ANKS1B: variants seen among roughly 807,000 people sequenced by gnomAD.
The protein encoded by ANKS1B is ankyrin repeat and sterile alpha motif domain-containing protein 1B.
Under a neutral mutation model 148.3 loss-of-function variants are expected in ANKS1B, and 36 were observed. The ratio of observed to expected loss-of-function variants is 0.24; its 90% CI spans 0.19 to 0.32. The LOEUF is 0.32. Among genes scored for constraint, ANKS1B ranks in the 10% least tolerant of loss-of-function variants. The pLI is 1.00. For missense variants in ANKS1B, 1,157 were observed against 1,542.6 expected (o/e 0.75, Z 4.19); for synonymous variants, 542 against 560.8 (o/e 0.97, Z 0.47).
chr12:98,907,545 C>G (rs1398191060), intron 17 of ANKS1B, among the ~76,000 whole-genome samples: 1 of 152,306 alleles, frequency 6.6e-6, no homozygotes, highest in African/African-American at 2.4e-5. Flanking sequence ...CAGTCCTTGA[C>G]CACTCTCTTC....
intron 16 of ANKS1B, among the ~76,000 whole-genome samples, chr12:99,060,645 T>TA (rs542411790): frequency 3.3e-4 from 48 of 145,250 alleles, no homozygotes; most frequent in African/African-American, 1.2e-3. Context: ...CATATACATA[T>TA]ATACACATCA....
intron 17 of ANKS1B, among the ~76,000 whole-genome samples, chr12:98,911,493 T>G (rs1410464420): frequency 6.6e-6 from 1 of 151,974 alleles, no homozygotes; most frequent in East Asian, 1.9e-4. Flanking sequence ...GGAGCATGAG[T>G]TGGATTGTTT....
intron 1 of ANKS1B, among the ~76,000 whole-genome samples, chr12:99,954,846 A>G (rs760639374): frequency 2.0e-5 from 3 of 152,214 alleles, no homozygotes; most frequent in Non-Finnish European, 4.4e-5. Context: ...AATAGTACCA[A>G]GGTTGGGAAA....
At chr12:99,650,253 C>A (rs2098409358) in intron 9 of ANKS1B, among the ~76,000 whole-genome samples, 1 of 93,716 alleles carries the variant, frequency 1.1e-5, no homozygotes, top group East Asian at 2.0e-4. Context: ...AAACTGTTTT[C>A]CAAAATATAA....
At chr12:98,919,843 T>C (rs962125180) in intron 17 of ANKS1B, among the ~76,000 whole-genome samples, 7 of 152,156 alleles carry the variant, frequency 4.6e-5, no homozygotes, top group Admixed American at 2.6e-4. Context: ...GGGGCTGCAA[T>C]GCAACAGCCA....
intron 9 of ANKS1B, among the ~76,000 whole-genome samples, chr12:99,544,756 T>C (rs1160269178): frequency 1.3e-5 from 2 of 152,148 alleles, no homozygotes; most frequent in Non-Finnish European, 2.9e-5. Flanking sequence ...TAAATGCATA[T>C]AGGTCTGAGA....
intron 24 of ANKS1B, among the ~76,000 whole-genome samples, chr12:98,776,677 A>G (rs1434967009): frequency 6.6e-6 from 1 of 152,180 alleles, no homozygotes; most frequent in Admixed American, 6.5e-5. Flanking sequence ...ACTGCATTCA[A>G]TCTGAGCCCC....
intron 10 of ANKS1B, among the ~76,000 whole-genome samples, chr12:99,455,670 T>C (rs1054507486): frequency 4.6e-5 from 7 of 152,108 alleles, no homozygotes; most frequent in Non-Finnish European, 1.0e-4. Context: ...CCTGGTGACC[T>C]GTGCGACTCA....
intron 17 of ANKS1B, among the ~76,000 whole-genome samples, chr12:98,978,405 A>T (rs11830992): frequency 0.021 from 3,245 of 152,244 alleles, 121 homozygotes; most frequent in African/African-American, 0.074. Context: ...TTTGCCCCAC[A>T]GATTCCAGTC....
intron 1 of ANKS1B, among the ~76,000 whole-genome samples, chr12:99,976,534 C>T (rs2095631644): frequency 6.6e-6 from 1 of 152,166 alleles, no homozygotes; most frequent in African/African-American, 2.4e-5. Flanking sequence ...TTTATGCTCA[C>T]ATCCATCAAT....
Position 99,519,819 on chromosome 12 carries a change from T to C in ANKS1B, c.1273-15178A>G, listed in dbSNP as rs1567259891. Among the ~76,000 whole-genome samples, 4 of 152,160 alleles carry C rather than the reference T, an allele frequency of 2.6e-5. No homozygotes were observed. The South Asian group carries it at 8.3e-4, about 31-fold the overall frequency. ...AATTTCTTCCTTTTTATTTTTTGTATATCCATTGTATGTATTTTGATTTGA... is the reference window on the plus strand; with the variant it reads ...AATTTCTTCCTTTTTATTTTTTGTACATCCATTGTATGTATTTTGATTTGA... On this transcript the variant is annotated intron_variant, in intron 9 of 26. Coordinates refer to ENST00000683438, the MANE Select transcript of ANKS1B (RefSeq NM_001352186.2).
At chr12:99,931,081 C>T (rs1032286352) in intron 1 of ANKS1B, among the ~76,000 whole-genome samples, 2 of 152,050 alleles carry the variant, frequency 1.3e-5, no homozygotes, top group African/African-American at 4.8e-5. Context: ...TCTCAGCAAA[C>T]TATCACAAGG....
intron 12 of ANKS1B, among the ~76,000 whole-genome samples, chr12:99,335,685 T>C (rs1013609374): frequency 1.3e-5 from 2 of 152,134 alleles, no homozygotes; most frequent in African/African-American, 4.8e-5. Context: ...GATCTTATTA[T>C]TTTTATGGCT....
chr12:99,827,969 T>C (rs1603133999), intron 1 of ANKS1B, among the ~76,000 whole-genome samples: 1 of 152,138 alleles, frequency 6.6e-6, no homozygotes, highest in South Asian at 2.1e-4. Context: ...AAAGCATATG[T>C]CCATAAAAAG....
chr12:99,053,643 T>C (rs538706951), intron 16 of ANKS1B, among the ~76,000 whole-genome samples: 2 of 152,218 alleles, frequency 1.3e-5, no homozygotes, highest in Non-Finnish European at 2.9e-5. Flanking sequence ...TGAATGGCAT[T>C]AAATTCGATG....
At chr12:99,265,300 A>G (rs1277221504) in intron 12 of ANKS1B, among the ~76,000 whole-genome samples, 1 of 152,022 alleles carries the variant, frequency 6.6e-6, no homozygotes, top group East Asian at 1.9e-4. Context: ...CTATACTTTT[A>G]CAAACTGTCC....
chr12:99,798,680 T>A (rs2066564932), intron 4 of ANKS1B, among the ~76,000 whole-genome samples: 1 of 152,014 alleles, frequency 6.6e-6, no homozygotes, highest in Admixed American at 6.6e-5. Flanking sequence ...ATGTTTAAAC[T>A]GGGAGGAAAA....
At chr12:99,720,700 T>A (rs548926913) in intron 8 of ANKS1B, among the ~76,000 whole-genome samples, 9 of 152,296 alleles carry the variant, frequency 5.9e-5, no homozygotes, top group African/African-American at 2.2e-4. Context: ...GGACGCTCCT[T>A]TTTATTAGGC....
intron 8 of ANKS1B, among the ~76,000 whole-genome samples, chr12:99,656,774 A>C (rs1325077626): frequency 6.6e-6 from 1 of 152,178 alleles, no homozygotes; most frequent in Non-Finnish European, 1.5e-5. Context: ...ATGTATATGC[A>C]TAAATAAAAA....
Sources: allele counts gnomAD v4.1 joint callset (sites outside exome capture counted in the v4.1 genomes callset), GRCh38; gene constraint gnomAD v4.1.1; transcripts MANE v1.5; gene names NCBI Gene and HGNC (gene_info 2026-07-23, HGNC 2026-07-21).